Variants in HAP1 observed in about 807,000 individuals in gnomAD.
The protein encoded by HAP1 is huntingtin-associated protein 1.
Under a neutral mutation model 60.3 loss-of-function variants are expected in HAP1, and 59 were observed. The ratio of observed to expected loss-of-function variants is 0.98; its 90% CI spans 0.79 to 1.22. The LOEUF (loss-of-function observed/expected upper bound fraction) is 1.22. Among genes scored for constraint, HAP1 ranks in the 50% most tolerant of loss-of-function variants. HAP1 has a pLI of 0.00. For synonymous variants in HAP1, 346 were observed against 330.6 expected, an observed-to-expected ratio of 1.05 and a Z score of -0.50; for missense variants, 825 against 785.3, an observed-to-expected ratio of 1.05 and a Z score of -0.60.
In HAP1 at chr17:41,725,395, C is replaced by T. The variant is rs1237168344; in HGVS notation, c.1407-241G>A. Among the ~76,000 whole-genome samples, 7 of 152,290 alleles carry T rather than the reference C, an allele frequency of 4.6e-5. No homozygotes were observed. In the South Asian group the frequency reaches 6.2e-4, roughly 14 times the overall value. ...CTTCTTTTATGTCCCTGACCCTGCA[C>T]GGAATACACCAACAGGGTTAACACC... On this transcript the variant is annotated intron_variant, in intron 10 of 10. Transcript: ENST00000347901.
At position 41,727,105 on chromosome 17, in the gene HAP1, G is replaced by A. The variant is rs1258073046; in HGVS notation, c.1315C>T (p.Leu439Phe). ...PGFQETLAEE[L>F]RTSLRRMISD... ...ATCATCCTCCTTAGAGACGTTCTGA[G>A]CTCCTCAGCCAGCGTCTCCTGGAAA... The change falls in exon 9 of 11, where the codon CTC (leucine) becomes TTC (phenylalanine). Residue 439 changes from leucine to phenylalanine, a missense_variant. Coordinates refer to ENST00000347901, the MANE Select transcript of HAP1 (RefSeq NM_177977.3). 1.3e-6 allele frequency: 2 copies of A among 1,595,084 alleles called. No homozygotes were observed. Among genetic ancestry groups the A allele is most frequent in the East Asian group, 2.2e-5 (1 of 44,652 alleles).
chr17:41,727,423 G>A (rs1254142687), intron 8 of HAP1: 1 of 779,002 alleles, frequency 1.3e-6, no homozygotes, highest in African/African-American at 1.7e-5. Context: ...TTCTCCCGCA[G>A]GTCCTGCAGC....
rs1555589555 is a variant in HAP1, at chr17:41,728,296, C to T, written c.1105G>A (p.Val369Met). 6.2e-7 allele frequency: 1 copy of T among 1,613,648 alleles called. No individual in the cohort carries two copies. Among genetic ancestry groups the T allele is most frequent in the South Asian group, 1.1e-5 (1 of 91,082 alleles). The change falls in exon 7 of 11, where the codon GTG (valine) becomes ATG (methionine). Residue 369 changes from valine (V) to methionine (M), a missense_variant. Coordinates refer to ENST00000347901, the MANE Select transcript of HAP1 (RefSeq NM_177977.3). ...TAGTTTTCCAGCCTGAGCACCAGCA[C>T]CTCCGACAGCTCAGCCATCTGTTGG... The part of the protein sequence containing the change: ...ASQQMAELSE[V>M]LVLRLENYER...
Position 41,734,180 on chromosome 17 carries a change from C to A in HAP1, c.455G>T (p.Arg152Leu). 3 of 1,583,984 alleles carry A rather than the reference C, an allele frequency of 1.9e-6. No homozygotes were observed. Among genetic ancestry groups the A allele is most frequent in the Non-Finnish European group, 1.7e-6 (2 of 1,159,194 alleles). ...VSGPERAAFI[R>L]ELEEALCPNL... ...GCCCGATTTACCTTCCTCCAGCTCC[C>A]GAATAAAGGCGGCGCGCTCAGGGCC... The change falls in exon 1 of 11, where the codon CGG becomes CTG. Residue 152 changes from arginine to leucine, a missense_variant. Transcript: ENST00000347901.
chr17:41,728,368 C>T (rs782455950), intron 6 of HAP1, 37 bp from the exon 7 acceptor site: 3 of 1,607,012 alleles, frequency 1.9e-6, no homozygotes, highest in East Asian at 4.5e-5. Context: ...CCTGGCTCCC[C>T]TGGCCTTCAG....
Position 41,732,009 on chromosome 17 carries a change from G to T in HAP1, c.824C>A (p.Ala275Glu). ...DEEEEEEEKEAEEEQEEEEAE... is the reference protein window; with the variant it reads ...DEEEEEEEKEEEEEQEEEEAE... ...TTCTTCTTCTTCCTGTTCCTCTTCT[G>T]CCTCCTTTTCTTCCTCCTCCTCTTC... The change falls in exon 4 of 11, where the codon GCA (alanine) becomes GAA (glutamate). Residue 275 changes from alanine (A) to glutamate (E), a missense_variant. Physicochemically the swap from Ala to Glu is moderately radical, Grantham distance 107. Coordinates refer to ENST00000347901, the MANE Select transcript of HAP1 (RefSeq NM_177977.3). 1.4e-6 allele frequency: 2 copies of T among 1,396,000 alleles called. No homozygotes were observed. Among genetic ancestry groups the T allele is most frequent in the Non-Finnish European group, 2.0e-6 (2 of 983,020 alleles). The allele number at this position is 1,396,000 out of a possible 1,614,324, so 86.5% of individuals were successfully genotyped here.
intron 2 of HAP1, 67 bp downstream of exon 2, chr17:41,732,652 A>G (rs1555591417): frequency 7.4e-7 from 1 of 1,342,588 alleles, no homozygotes; most frequent in East Asian, 2.3e-5. Context: ...GGAAATAAAC[A>G]AGACCCCCAC....
At chr17:41,733,353 T>TTTTTC (rs1555591696) in intron 1 of HAP1, among the ~76,000 whole-genome samples, 4 of 6,076 alleles carry the variant, frequency 6.6e-4, no homozygotes, top group Non-Finnish European at 1.3e-3. Flanking sequence ...CGCGCCCGGC[T>TTTTTC]TTTTTTTTTT....
At chr17:41,730,800 C>T (rs937505555) in intron 6 of HAP1, among the ~76,000 whole-genome samples, 70 of 152,200 alleles carry the variant, frequency 4.6e-4, no homozygotes, top group African/African-American at 1.5e-3. Context: ...CAGGCACAGC[C>T]ACTGCCCCGT....
downstream of HAP1, chr17:41,717,985 G>C (rs145408007): frequency 7.7e-5 from 36 of 469,938 alleles, no homozygotes; most frequent in African/African-American, 5.4e-4. Flanking sequence ...GTAGAGGAGG[G>C]AAAGTGTTTT....
chr17:41,718,783 T>C (rs1911081857), downstream of HAP1, among the ~76,000 whole-genome samples: 1 of 152,180 alleles, frequency 6.6e-6, no homozygotes, highest in African/African-American at 2.4e-5. Flanking sequence ...CAGCAGCAGA[T>C]GTGTCCTTCC....
Position 41,732,733 on chromosome 17 carries a change from A to G in HAP1, c.535T>C (p.Tyr179His), listed in dbSNP as rs150649126. 7 of 1,612,056 alleles carry G rather than the reference A, an allele frequency of 4.3e-6. No homozygotes were observed. Among genetic ancestry groups the G allele is most frequent in the Middle Eastern group, 1.6e-4 (1 of 6,084 alleles). ...GCAGTACACACCTCCTCCAGCAAAT[A>G]TAACATCACTTTGACGTCTTCCTGG... Reference protein sequence around the residue: ...ITQEDVKVMLYLLEELLPPVW... With the variant: ...ITQEDVKVMLHLLEELLPPVW... Residue 179 changes from tyrosine (Y) to histidine (H), a missense_variant, in exon 2 of 11, where the codon TAT (tyrosine) becomes CAT (histidine). Tyr to His is a moderately conservative substitution (Grantham distance 83). Coordinates refer to ENST00000347901, the MANE Select transcript of HAP1 (RefSeq NM_177977.3).
intron 9 of HAP1, among the ~76,000 whole-genome samples, 188 bp downstream of exon 9, chr17:41,726,865 A>T (rs1911676957): frequency 6.6e-6 from 1 of 151,114 alleles, no homozygotes; most frequent in South Asian, 2.1e-4. Flanking sequence ...TCCATCTCAA[A>T]AAAAAAAAAA....
chr17:41,727,972 G>A (rs1911814068), intron 7 of HAP1, 136 bp from the exon 8 acceptor site: 15 of 700,006 alleles, frequency 2.1e-5, no homozygotes, highest in Non-Finnish European at 3.7e-5. Context: ...CGGAAGGAGG[G>A]CAAAGAAGGC....
At chr17:41,726,097 C>G (rs984270521) in intron 9 of HAP1, among the ~76,000 whole-genome samples, 200 bp from the exon 10 acceptor site, 1 of 151,934 alleles carries the variant, frequency 6.6e-6, no homozygotes, top group Admixed American at 6.6e-5. Context: ...TGGTAAAACC[C>G]CGTCTCTACT....
downstream of HAP1, among the ~76,000 whole-genome samples, chr17:41,719,615 C>G (rs1460709657): frequency 6.6e-6 from 1 of 151,896 alleles, no homozygotes; most frequent in Admixed American, 6.6e-5. Context: ...ATTGCTTGAG[C>G]CCAGGAGGCA....
In HAP1 at chr17:41,727,787, TC is replaced by T; in HGVS notation, c.1249del (p.Glu417LysfsTer27). 1 of 1,612,010 alleles carries T rather than the reference TC, an allele frequency of 6.2e-7. No homozygotes were observed. Among genetic ancestry groups the T allele is most frequent in the African/African-American group, 1.3e-5 (1 of 75,038 alleles). ...KLQKQLASEK[E>X]IQMQLQEEET... ...CTCTTCCTGGAGCTGCATCTGGATTTCCTTCTCCGAAGCCAGCTGCTTCTGC... is the reference window on the plus strand; with the variant it reads ...CTCTTCCTGGAGCTGCATCTGGATTTCTTCTCCGAAGCCAGCTGCTTCTGC... On this transcript the variant is annotated frameshift_variant, in exon 8 of 11. Transcript: ENST00000347901. LOFTEE classifies it high-confidence loss of function.
At chr17:41,726,846 G>C (rs1412123794) in intron 9 of HAP1, among the ~76,000 whole-genome samples, 1 of 150,648 alleles carries the variant, frequency 6.6e-6, no homozygotes, top group Non-Finnish European at 1.5e-5. Context: ...TTGGGTGACA[G>C]AGCAAGACTC....
intron 2 of HAP1, 132 bp from the exon 3 acceptor site, chr17:41,732,526 GA>G: frequency 9.6e-7 from 1 of 1,045,290 alleles, no homozygotes; most frequent in Non-Finnish European, 1.4e-6. Flanking sequence ...TCCCCTCATG[GA>G]AAAAGAAGAT....
Sources: gnomAD v4.1 joint callset for allele counts (sites outside exome capture counted in the v4.1 genomes callset) on GRCh38, gnomAD v4.1.1 for gene constraint, MANE v1.5 for transcripts, NCBI Gene and HGNC (gene_info 2026-07-23, HGNC 2026-07-21) for gene names.